The following SEC24B variants were observed in gnomAD, a reference collection of about 807,000 sequenced individuals.
The protein encoded by SEC24B is SEC24 homolog B, COPII component, also known as protein transport protein Sec24B.
In SEC24B, 45 loss-of-function variants were observed where a neutral mutation model predicts 142.8. The ratio of observed to expected loss-of-function variants is 0.32; its 90% CI spans 0.25 to 0.40. The LOEUF (loss-of-function observed/expected upper bound fraction) is 0.40. SEC24B is among the 10% of genes least tolerant of loss of function. SEC24B has a pLI of 1.00. For missense variants in SEC24B, 1,409 were observed against 1,526.8 expected, an observed-to-expected ratio of 0.92 and a Z score of 1.29; for synonymous variants, 574 against 568.2, an observed-to-expected ratio of 1.01 and a Z score of -0.15.
chr4:109,506,450 T>C lies in SEC24B; in HGVS notation c.1611T>C (p.Thr537=). 2 of 1,609,330 alleles carry C rather than the reference T, an allele frequency of 1.2e-6. No homozygotes were observed. Among genetic ancestry groups the C allele is most frequent in the Non-Finnish European group, 1.7e-6 (2 of 1,177,480 alleles). Residue 537 remains threonine (T), a synonymous_variant, in exon 7 of 24, where the codon ACT becomes ACC. Coordinates refer to ENST00000265175, the MANE Select transcript of SEC24B (RefSeq NM_006323.5). ...LTQERNILPM[T]PVWAPVPNLN... ...AGGAGAGGAATATTTTACCTATGAC[T>C]CCTGTTTGGGCTCCTGTACCTAACT...
chr4:109,512,643 T>C (rs1433917802), intron 9 of SEC24B, among the ~76,000 whole-genome samples: 1 of 151,782 alleles, frequency 6.6e-6, no homozygotes, highest in Non-Finnish European at 1.5e-5. Flanking sequence ...TTTATCCTTC[T>C]GATCTATTTT....
chr4:109,538,360 G>C, intron 22 of SEC24B, 133 bp from the exon 23 acceptor site: 1 of 585,994 alleles, frequency 1.7e-6, no homozygotes, highest in Non-Finnish European at 3.1e-6. Context: ...AATTTTATTT[G>C]TGTAGTTGCT....
At chr4:109,452,824 C>T (rs536111596) in intron 1 of SEC24B, among the ~76,000 whole-genome samples, 2 of 152,252 alleles carry the variant, frequency 1.3e-5, no homozygotes, top group African/African-American at 4.8e-5. Flanking sequence ...CATTTTCTTT[C>T]TGTGTTATTC....
rs1048669142 is a variant in SEC24B, at chr4:109,433,996, C to G, written c.127C>G (p.Gln43Glu). Residue 43 changes from glutamine to glutamate, a missense_variant, in exon 1 of 24, where the codon CAG becomes GAG. Around this residue, in one of 2 missense-constraint regions of SEC24B, gnomAD observed 709 missense variants for 673.5 expected, o/e 1.05. Coordinates refer to ENST00000265175, the MANE Select transcript of SEC24B (RefSeq NM_006323.5). The part of the protein sequence containing the change: ...GPGAGPAPHQ[Q>E]NGPAQNQMQV... The stretch of plus-strand genomic sequence containing the variant: ...GGGTGCGGGCCCGGCGCCGCACCAG[C>G]AGAACGGTGAGGCGGGCGGCCCGGG... 8.5e-7 allele frequency: 1 copy of G among 1,177,832 alleles called. No homozygotes were observed. Among genetic ancestry groups the G allele is most frequent in the Non-Finnish European group, 1.0e-6 (1 of 954,594 alleles). 73.0% of individuals were successfully genotyped at this position (1,177,832 alleles called of 1,614,324 possible).
chr4:109,531,457 C>T lies in SEC24B; in HGVS notation c.3325C>T (p.Pro1109Ser), dbSNP rs1365565349. 1 of 1,610,716 alleles carries T rather than the reference C, an allele frequency of 6.2e-7. No homozygotes were observed. The highest frequency in any genetic ancestry group is 1.1e-5 in the South Asian group (1 of 90,998). The part of the protein sequence containing the change: ...VYAMCQIKSQ[P>S]LVHLMKMIHP... ...TGCCATGTGTCAGATAAAGTCTCAG[C>T]CACTTGTTCATCTAATGAAAATGAT... Residue 1109 changes from proline to serine, a missense_variant, in exon 20 of 24, where the codon CCA becomes TCA. Pro to Ser is a moderately conservative substitution (Grantham distance 74). This residue lies in a region of SEC24B where 700 missense variants were observed against 853.3 expected (regional missense o/e 0.82). Transcript: ENST00000265175.
intron 3 of SEC24B, among the ~76,000 whole-genome samples, chr4:109,480,350 T>TA (rs1264257991): frequency 6.6e-6 from 1 of 152,172 alleles, no homozygotes; most frequent in African/African-American, 2.4e-5. Flanking sequence ...ACCCCAATAT[T>TA]AGGAAATGTT....
intron 1 of SEC24B, among the ~76,000 whole-genome samples, chr4:109,437,989 G>C (rs1325200972): frequency 2.0e-5 from 3 of 152,128 alleles, no homozygotes. Flanking sequence ...AGAGAAATCA[G>C]AAAAAAGCAA....
At chr4:109,533,761 A>T in intron 22 of SEC24B, 76 bp downstream of exon 22, 1 of 901,372 alleles carries the variant, frequency 1.1e-6, no homozygotes. Context: ...TGTAATATTC[A>T]CCATTTTAAA....
Position 109,525,389 on chromosome 4 carries a change from A to G in SEC24B, c.2676A>G (p.Pro892=), listed in dbSNP as rs1478626959. The change falls in exon 16 of 24, where the codon CCA becomes CCG. Residue 892 remains proline (P), a synonymous_variant. Coordinates refer to ENST00000265175, the MANE Select transcript of SEC24B (RefSeq NM_006323.5). ...KYSAGCIYYY[P]SFHYTHNPSQ... ...CTGCAGGGTGCATCTATTATTATCC[A>G]TCATTCCACTATACTCACAATCCTT... 1.2e-6 allele frequency: 2 copies of G among 1,610,810 alleles called. No individual in the cohort carries two copies. The highest frequency in any genetic ancestry group is 1.3e-5 in the African/African-American group (1 of 74,826).
intron 5 of SEC24B, among the ~76,000 whole-genome samples, chr4:109,493,536 TTAAA>T (rs747340991): frequency 3.3e-5 from 5 of 152,214 alleles, no homozygotes; most frequent in Admixed American, 6.5e-5. Context: ...TGTTTTAAAT[TTAAA>T]TAAGGGCATT....
chr4:109,499,512 A>T (rs1030990458), intron 6 of SEC24B, among the ~76,000 whole-genome samples: 5 of 152,334 alleles, frequency 3.3e-5, no homozygotes, highest in Middle Eastern at 6.8e-3. Context: ...ATACACACAC[A>T]TACTTTATCA....
intron 6 of SEC24B, among the ~76,000 whole-genome samples, chr4:109,503,735 A>C (rs1293228614): frequency 6.6e-6 from 1 of 152,092 alleles, no homozygotes; most frequent in African/African-American, 2.4e-5. Context: ...TAAAATCAGG[A>C]AAGTATTCTA....
intron 3 of SEC24B, among the ~76,000 whole-genome samples, chr4:109,476,514 T>C (rs989087208): frequency 7.9e-6 from 1 of 126,618 alleles, no homozygotes; most frequent in Non-Finnish European, 1.5e-5. Context: ...TTCATACATA[T>C]AATTGCTGAG....
intron 8 of SEC24B, 83 bp from the exon 9 acceptor site, chr4:109,511,874 C>A: frequency 7.4e-7 from 1 of 1,344,350 alleles, no homozygotes; most frequent in Non-Finnish European, 1.0e-6. Flanking sequence ...GGTTTATGTT[C>A]TGTATTTGGA....
At chr4:109,453,380 C>T (rs1044116034) in intron 1 of SEC24B, among the ~76,000 whole-genome samples, 4 of 136,930 alleles carry the variant, frequency 2.9e-5, no homozygotes, top group African/African-American at 8.0e-5. Flanking sequence ...GAGGCCAGGG[C>T]ATGTTTCATC....
rs1561102211 is a variant in SEC24B at position 109,473,080 on chromosome 4, A to ATCAGGATCC, written c.967_975dup (p.Gly323_Ser325dup). 1.9e-6 allele frequency: 3 copies of ATCAGGATCC among 1,606,784 alleles called. 1 individual carries two copies. The East Asian group carries it at 6.8e-5, about 36-fold the overall frequency. On this transcript the variant is annotated inframe_insertion, in exon 3 of 24. Coordinates refer to ENST00000265175, the MANE Select transcript of SEC24B (RefSeq NM_006323.5). ...CCAGCCCAGTGGTATCCACTGTTTT[A>ATCAGGATCC]TCAGGATCCTCAGGATCCTCATCAA...
intron 1 of SEC24B, among the ~76,000 whole-genome samples, chr4:109,439,442 T>G (rs974420651): frequency 8.5e-6 from 1 of 117,972 alleles, no homozygotes; most frequent in Non-Finnish European, 1.5e-5. Context: ...TTAAAGTGAC[T>G]GTGTCTGAAT....
At chr4:109,490,023 T>C (rs1245396162) in intron 4 of SEC24B, among the ~76,000 whole-genome samples, 1 of 152,102 alleles carries the variant, frequency 6.6e-6, no homozygotes, top group Non-Finnish European at 1.5e-5. Flanking sequence ...TAGTGTCTTC[T>C]ACCTATTACT....
chr4:109,527,283 C>T, intron 17 of SEC24B, 39 bp from the exon 18 acceptor site: 1 of 1,312,552 alleles, frequency 7.6e-7, no homozygotes. Context: ...GCTTTATTTC[C>T]TTTTTGATCT....
Sources: gnomAD v4.1 joint callset for allele counts (sites outside exome capture counted in the v4.1 genomes callset) on GRCh38, gnomAD v4.1.1 for gene constraint, gnomAD v4.1.1 regional missense constraint, MANE v1.5 for transcripts, NCBI Gene and HGNC (gene_info 2026-07-23, HGNC 2026-07-21) for gene names.